Variants in CARD14 observed in about 807,000 individuals in gnomAD.
The protein encoded by CARD14 is caspase recruitment domain-containing protein 14.
A neutral mutation model predicts 111.5 loss-of-function variants in CARD14; 107 were observed. The observed-to-expected ratio is 0.96, with a 90% CI of 0.82 to 1.13. The LOEUF (loss-of-function observed/expected upper bound fraction) is 1.13. CARD14 is among the 50% of genes most tolerant of loss of function. The pLI is 0.00. For missense variants in CARD14, 1,322 were observed against 1,362.3 expected (o/e 0.97, Z 0.47); for synonymous variants, 617 against 579.6 (o/e 1.06, Z -0.93).
intron 1 of CARD14, among the ~76,000 whole-genome samples, chr17:80,171,275 TTTCTTTTC>T (rs2039899016): frequency 6.8e-6 from 1 of 147,886 alleles, no homozygotes; most frequent in African/African-American, 2.5e-5. Flanking sequence ...TTCCTCTCTC[TTTCTTTTC>T]TTCTTTTCTT....
chr17:80,203,774 T>C lies in CARD14; in HGVS notation c.2220-48T>C. 1 of 1,492,856 alleles carries C rather than the reference T, an allele frequency of 6.7e-7. No individual in the cohort carries two copies. Among genetic ancestry groups the C allele is most frequent in the Non-Finnish European group, 9.1e-7 (1 of 1,096,046 alleles). 92.5% of individuals were successfully genotyped at this position (1,492,856 alleles called of 1,614,324 possible). On this transcript the variant is annotated intron_variant, in intron 18 of 23. Coordinates refer to ENST00000648509, the MANE Select transcript of CARD14 (RefSeq NM_001366385.1). The surrounding 1 kb of genome is among the most constrained non-coding windows in gnomAD (Gnocchi z 4.6). ...CCTGCTCGGCTCTCCCCTGCCCTGC[T>C]CACCTGGCAGGAGGCAGCTGGGTCA...
Position 80,198,137 on chromosome 17 carries a change from C to G in CARD14, c.1633C>G (p.Pro545Ala). Residue 545 changes from proline (P) to alanine (A), a missense_variant, in exon 15 of 24, where the codon CCT (proline) becomes GCT (alanine). Coordinates refer to ENST00000648509, the MANE Select transcript of CARD14 (RefSeq NM_001366385.1). This position sits in a 1 kb window ranked among gnomAD's most constrained non-coding sequence, Gnocchi z 7.5. Reference protein sequence around the residue: ...QLESSLQPVSPGRLDVSESGV... With the variant: ...QLESSLQPVSAGRLDVSESGV... ...GGAAAGCAGCCTGCAGCCAGTCTCC[C>G]CTGGAAGGCTTGATGTCTCGGAGAG... The G allele has an allele frequency of 6.2e-7, 1 of 1,613,908 alleles. No homozygotes were observed. The highest frequency in any genetic ancestry group is 2.2e-5 in the East Asian group (1 of 44,870).
rs2040966956 is a variant in CARD14 at position 80,201,412 on chromosome 17, T to C, written c.1852-332T>C. On this transcript the variant is annotated intron_variant, in intron 16 of 23. Transcript: ENST00000648509. The surrounding 1 kb of genome is among the most constrained non-coding windows in gnomAD (Gnocchi z 5.0). ...AAGGCTAAGAAACCTCTATCTAGAATGCTCTTGAATGTTCTAGAACCGAGG... is the reference window on the plus strand; with the variant it reads ...AAGGCTAAGAAACCTCTATCTAGAACGCTCTTGAATGTTCTAGAACCGAGG... The C allele has an allele frequency of 3.4e-6, 1 of 297,404 alleles. No homozygotes were observed. Among genetic ancestry groups the C allele is most frequent in the South Asian group, 3.1e-5 (1 of 32,090 alleles). 18.4% of individuals were successfully genotyped at this position (297,404 alleles called of 1,614,324 possible).
rs920737868 is a variant in CARD14 at position 80,182,577 on chromosome 17, C to T, written c.212-76C>T. On this transcript the variant is annotated intron_variant, in intron 5 of 23. Coordinates refer to ENST00000648509, the MANE Select transcript of CARD14 (RefSeq NM_001366385.1). The surrounding 1 kb of genome is among the most constrained non-coding windows in gnomAD (Gnocchi z 4.7). ...GTTTCCCAGCCCCAGGCCTCTCCCC[C>T]GTGGGGAAGCCAGCCAGGGAGCCCA... The T allele has an allele frequency of 1.3e-5, 20 of 1,563,620 alleles. No individual in the cohort carries two copies. Among genetic ancestry groups the T allele is most frequent in the South Asian group, 5.7e-5 (5 of 87,218 alleles).
Position 80,198,362 on chromosome 17 carries a change from T to C in CARD14, c.1659-37T>C, listed in dbSNP as rs777763930. On this transcript the variant is annotated intron_variant, in intron 15 of 23. Transcript: ENST00000648509. This position sits in a 1 kb window ranked among gnomAD's most constrained non-coding sequence, Gnocchi z 7.5. ...GGTGGCCTTGCCGGCTCTCCTGCTCTGGGCAGTGCACAAGCCGGTCGTCTC... is the reference window on the plus strand; with the variant it reads ...GGTGGCCTTGCCGGCTCTCCTGCTCCGGGCAGTGCACAAGCCGGTCGTCTC... The C allele has an allele frequency of 6.3e-7, 1 of 1,574,918 alleles. No individual in the cohort carries two copies. Among genetic ancestry groups the C allele is most frequent in the Non-Finnish European group, 8.6e-7 (1 of 1,158,066 alleles).
At chr17:80,177,288 G>A (rs1022099962) in intron 2 of CARD14, among the ~76,000 whole-genome samples, 3 of 151,826 alleles carry the variant, frequency 2.0e-5, no homozygotes, top group South Asian at 2.1e-4. Context: ...GAGTGGAGTG[G>A]CACTACCTCA....
At chr17:80,171,073 TC>T (rs2039885577) in intron 1 of CARD14, among the ~76,000 whole-genome samples, 1 of 151,190 alleles carries the variant, frequency 6.6e-6, no homozygotes, top group Non-Finnish European at 1.5e-5. Flanking sequence ...ACTCCTGACT[TC>T]AGGTAATCCG....
At chr17:80,187,821 AG>A (rs1231543449) in intron 7 of CARD14, 11 of 985,376 alleles carry the variant, frequency 1.1e-5, no homozygotes, top group African/African-American at 1.7e-5. Flanking sequence ...GGAGGCCAGC[AG>A]GACCTGGTGG....
intron 11 of CARD14, 43 bp downstream of exon 11, chr17:80,191,515 C>T (rs2040528584): frequency 1.3e-6 from 2 of 1,596,512 alleles, no homozygotes; most frequent in African/African-American, 1.3e-5. Context: ...CAGGCAGGGG[C>T]TGCGGTGACA....
chr17:80,185,303 C>T (rs568730868), intron 7 of CARD14, among the ~76,000 whole-genome samples: 7 of 152,252 alleles, frequency 4.6e-5, no homozygotes, highest in East Asian at 1.9e-4. Flanking sequence ...CCTCCCACCT[C>T]GGCCTCCAAA....
intron 2 of CARD14, among the ~76,000 whole-genome samples, chr17:80,176,047 G>A (rs368113485): frequency 3.8e-5 from 5 of 130,638 alleles, no homozygotes; most frequent in African/African-American, 5.8e-5. Context: ...GGGCTCAAGC[G>A]ATCCTCCTGC....
Position 80,203,476 on chromosome 17 carries a change from C to G in CARD14, c.2220-346C>G, listed in dbSNP as rs984669001. 4.1e-6 allele frequency: 1 copy of G among 244,652 alleles called. No individual in the cohort carries two copies. 15.2% of individuals were successfully genotyped at this position (244,652 alleles called of 1,614,324 possible). A position where few individuals can be genotyped will look rare whatever the true frequency, so the allele number is the denominator to read the frequency against. ...CACTCTGCATTTCTAACAGCTCTCT[C>G]GGTGACTCCAGGCTGCAGGCCAGGG... On this transcript the variant is annotated intron_variant, in intron 18 of 23. Coordinates refer to ENST00000648509, the MANE Select transcript of CARD14 (RefSeq NM_001366385.1). The surrounding 1 kb of genome is among the most constrained non-coding windows in gnomAD (Gnocchi z 4.6).
chr17:80,174,599 A>G (rs1305363757), intron 2 of CARD14, among the ~76,000 whole-genome samples: 2 of 152,054 alleles, frequency 1.3e-5, no homozygotes, highest in Non-Finnish European at 2.9e-5. Flanking sequence ...TACTGCTTGC[A>G]TTATTTCTTA....
rs1252261269 is a variant in CARD14 at position 80,198,350 on chromosome 17, G to A, written c.1659-49G>A. ...AAGCAATGGGGAGGTGGCCTTGCCG[G>A]CTCTCCTGCTCTGGGCAGTGCACAA... On this transcript the variant is annotated intron_variant, in intron 15 of 23. Coordinates refer to ENST00000648509, the MANE Select transcript of CARD14 (RefSeq NM_001366385.1). The surrounding 1 kb of genome is among the most constrained non-coding windows in gnomAD (Gnocchi z 7.5). The A allele has an allele frequency of 6.4e-7, 1 of 1,561,368 alleles. No homozygotes were observed. Among genetic ancestry groups the A allele is most frequent in the Non-Finnish European group, 8.7e-7 (1 of 1,150,706 alleles).
Position 80,208,424 on chromosome 17 carries a change from T to G in CARD14, c.*79T>G. On this transcript the variant is annotated 3_prime_UTR_variant, in exon 24 of 24. Coordinates refer to ENST00000648509, the MANE Select transcript of CARD14 (RefSeq NM_001366385.1). ...GTCCTGTTCCTCAGCCCAGGCCCTCTTGGCACAGCTGTGGGCTCCTTGGCA... is the reference window on the plus strand; with the variant it reads ...GTCCTGTTCCTCAGCCCAGGCCCTCGTGGCACAGCTGTGGGCTCCTTGGCA... 1 of 1,324,070 alleles carries G rather than the reference T, an allele frequency of 7.6e-7. No individual in the cohort carries two copies. Among genetic ancestry groups the G allele is most frequent in the Non-Finnish European group, 1.0e-6 (1 of 978,158 alleles). 82.0% of individuals were successfully genotyped at this position (1,324,070 alleles called of 1,614,324 possible). A position where few individuals can be genotyped will look rare whatever the true frequency, so the allele number is the denominator to read the frequency against.
chr17:80,181,473 C>T lies in CARD14; in HGVS notation c.35C>T (p.Thr12Met), dbSNP rs569889639. 173 of 1,586,314 alleles carry T rather than the reference C, an allele frequency of 1.1e-4. No individual in the cohort carries two copies. Among genetic ancestry groups the T allele is most frequent in the Non-Finnish European group, 9.4e-5 (110 of 1,165,858 alleles). The change falls in exon 5 of 24, where the codon ACG becomes ATG. Residue 12 changes from threonine to methionine, a missense_variant. Thr to Met is a moderately conservative substitution (Grantham distance 81). Transcript: ENST00000648509. ...GELCRRDSALTALDEETLWEM... is the reference protein window; with the variant it reads ...GELCRRDSALMALDEETLWEM... ...CTGTGCCGCAGGGACTCCGCACTCA[C>T]GGCACTGGACGAGGAGACACTGTGG...
At chr17:80,202,095 T>G in intron 17 of CARD14, 85 bp from the exon 18 acceptor site, 3 of 1,333,406 alleles carry the variant, frequency 2.2e-6, no homozygotes, top group Non-Finnish European at 3.2e-6. Flanking sequence ...GGGTCCTTCC[T>G]TCTCTCCTAC....
At position 80,202,185 on chromosome 17, in the gene CARD14, A is replaced by C; in HGVS notation, c.1984A>C (p.Lys662Gln). 1 of 1,613,412 alleles carries C rather than the reference A, an allele frequency of 6.2e-7. No homozygotes were observed. Among genetic ancestry groups the C allele is most frequent in the South Asian group, 1.1e-5 (1 of 91,054 alleles). Residue 662 changes from lysine (K) to glutamine (Q), a missense_variant, in exon 18 of 24, where the codon AAG becomes CAG. Coordinates refer to ENST00000648509, the MANE Select transcript of CARD14 (RefSeq NM_001366385.1). ...LSVKVNTDGY[K>Q]RLLQDLEAKV... is the part of the protein sequence containing the mutation. ...CTCATGTCCCCTTTTATCAGGTTAT[A>C]AGAGGCTACTCCAGGACCTGGAGGC...
At position 80,201,737 on chromosome 17, in the gene CARD14, C is replaced by G; in HGVS notation, c.1852-7C>G. The stretch of plus-strand genomic sequence containing the variant: ...GAAAGAGACTGACCTTCTCGACTTG[C>G]CCTCAGGTTGATTACGAAGCCTCAG... On this transcript the variant is annotated splice_polypyrimidine_tract_variant and splice_region_variant and intron_variant, in intron 16 of 23. Coordinates refer to ENST00000648509, the MANE Select transcript of CARD14 (RefSeq NM_001366385.1). This position sits in a 1 kb window ranked among gnomAD's most constrained non-coding sequence, Gnocchi z 5.0. The G allele has an allele frequency of 2.5e-6, 4 of 1,613,910 alleles. No individual in the cohort carries two copies. Among genetic ancestry groups the G allele is most frequent in the Non-Finnish European group, 3.4e-6 (4 of 1,179,912 alleles).
Sources: gnomAD v4.1 joint callset for allele counts (sites outside exome capture counted in the v4.1 genomes callset) on GRCh38, gnomAD v4.1.1 for gene constraint, Gnocchi (gnomAD v3.1) non-coding constraint, MANE v1.5 for transcripts, NCBI Gene and HGNC (gene_info 2026-07-23, HGNC 2026-07-21) for gene names.